Variants in ASH2L observed in about 807,000 individuals in gnomAD.
The protein encoded by ASH2L is set1/Ash2 histone methyltransferase complex subunit ASH2.
Under a neutral mutation model 81.1 loss-of-function variants are expected in ASH2L, and 30 were observed. The observed-to-expected ratio is 0.37, with a 90% CI of 0.28 to 0.50. ASH2L has a LOEUF of 0.50. Among genes scored for constraint, ASH2L ranks in the 20% least tolerant of loss-of-function variants. The pLI, the probability that ASH2L is intolerant of heterozygous loss-of-function variation, is 0.95. For synonymous variants in ASH2L, 273 were observed against 279.9 expected, an observed-to-expected ratio of 0.98 and a Z score of 0.24; for missense variants, 559 against 792.1, an observed-to-expected ratio of 0.71 and a Z score of 3.53.
chr8:38,106,521 T>A (rs78601068), intron 2 of ASH2L, 77 bp downstream of exon 2: 1 of 1,279,954 alleles, frequency 7.8e-7, no homozygotes, highest in South Asian at 1.3e-5. Context: ...TTTTTTTTTT[T>A]TGTTGCGACG....
intron 12 of ASH2L, among the ~76,000 whole-genome samples, chr8:38,130,351 C>T (rs1802010317): frequency 6.7e-6 from 1 of 148,832 alleles, no homozygotes; most frequent in Non-Finnish European, 1.5e-5. Context: ...AGCAGTTCAC[C>T]TGCTTCAGCC....
chr8:38,121,333 TTATATATATATATATA>T (rs71216649), intron 10 of ASH2L, among the ~76,000 whole-genome samples, 184 bp downstream of exon 10: 19 of 59,668 alleles, frequency 3.2e-4, no homozygotes, highest in African/African-American at 7.5e-4. Flanking sequence ...GCCGTTTTAT[TTATATATATATATATA>T]TATATATATA....
chr8:38,139,998 C>G lies in ASH2L; in HGVS notation c.*927C>G, dbSNP rs1802407881. On this transcript the variant is annotated 3_prime_UTR_variant, in exon 16 of 16. Coordinates refer to ENST00000343823, the MANE Select transcript of ASH2L (RefSeq NM_004674.5). ...GTGGTTTCCTGTCTTGCTTATCTTC[C>G]TTTGCCCTGAGCTGATGGCTAAAGG... 6.6e-6 allele frequency: 1 copy of G among 152,182 alleles called. No individual in the cohort carries two copies. The highest frequency in any genetic ancestry group is 6.6e-5 in the Admixed American group (1 of 15,264). 9.4% of individuals were successfully genotyped at this position (152,182 alleles called of 1,614,324 possible).
Position 38,119,367 on chromosome 8 carries a change from G to T in ASH2L, c.947+4G>T. 1 of 1,531,792 alleles carries T rather than the reference G, an allele frequency of 6.5e-7. No homozygotes were observed. The highest frequency in any genetic ancestry group is 8.8e-7 in the Non-Finnish European group (1 of 1,140,458). The allele number at this position is 1,531,792 out of a possible 1,614,324, so 94.9% of individuals were successfully genotyped here. A position where few individuals can be genotyped will look rare whatever the true frequency, so the allele number is the denominator to read the frequency against. On this transcript the variant is annotated splice_donor_region_variant and intron_variant, in intron 9 of 15. Transcript: ENST00000343823. The stretch of plus-strand genomic sequence containing the variant: ...GGACCACCAAGAAGGCCCGGAGGTG[G>T]GGAGAGTGCCCACCCTGCCCCCCTC...
Position 38,126,840 on chromosome 8 carries a change from C to T in ASH2L, c.1166-1451C>T, listed in dbSNP as rs528227685. On this transcript the variant is annotated intron_variant, in intron 10 of 15. Transcript: ENST00000343823. ...CTGCACTCCAGCCTGGGCAAAAGAG[C>T]GAGACTCTGTCTCAAAAAAGAAAGA... 4.4e-4 allele frequency among the ~76,000 whole-genome samples: 57 copies of T among 129,766 alleles called. 2 individuals are homozygous for T. Among genetic ancestry groups the T allele is most frequent in the African/African-American group, 1.6e-3 (52 of 32,790 alleles). The allele number at this position is 129,766 out of a possible 152,430, so 85.1% of individuals were successfully genotyped here. A position where few individuals can be genotyped will look rare whatever the true frequency, so the allele number is the denominator to read the frequency against.
At chr8:38,115,071 A>G in intron 7 of ASH2L, 71 bp downstream of exon 7, 1 of 1,012,412 alleles carries the variant, frequency 9.9e-7, no homozygotes, top group South Asian at 1.3e-5. Context: ...GGTTCTGTTT[A>G]CATTTGTATA....
intron 5 of ASH2L, 46 bp from the exon 6 acceptor site, chr8:38,114,146 A>G (rs367943660): frequency 8.7e-7 from 1 of 1,142,928 alleles, no homozygotes; most frequent in Non-Finnish European, 1.3e-6. Context: ...TTGTCAGCAT[A>G]TCTTTGATTG....
chr8:38,138,637 T>C, intron 14 of ASH2L, 179 bp from the exon 15 acceptor site: 1 of 561,002 alleles, frequency 1.8e-6, no homozygotes, highest in South Asian at 2.5e-5. Context: ...GTTACCTAAT[T>C]CTTGATGGAC....
At chr8:38,107,824 G>C (rs79517596) in intron 3 of ASH2L, among the ~76,000 whole-genome samples, 2,342 of 151,734 alleles carry the variant, frequency 0.015, 57 homozygotes, top group African/African-American at 0.054. Context: ...CTGCATTATC[G>C]TGAAATTAAT....
chr8:38,114,144 A>G lies in ASH2L; in HGVS notation c.586-48A>G, dbSNP rs374381757. The G allele has an allele frequency of 2.2e-5, 25 of 1,115,050 alleles. No individual in the cohort carries two copies. In the African/African-American group the frequency reaches 2.3e-4, roughly 10 times the overall value. The allele number at this position is 1,115,050 out of a possible 1,614,324, so 69.1% of individuals were successfully genotyped here. ...AATGCTGTTTTCTTTCTTTGTCAGC[A>G]TATCTTTGATTGCAGCAGTAATAGT... On this transcript the variant is annotated intron_variant, in intron 5 of 15. Coordinates refer to ENST00000343823, the MANE Select transcript of ASH2L (RefSeq NM_004674.5).
intron 12 of ASH2L, among the ~76,000 whole-genome samples, chr8:38,131,675 A>G (rs752200289): frequency 1.3e-5 from 2 of 152,202 alleles, no homozygotes; most frequent in Admixed American, 6.5e-5. Flanking sequence ...AATAATTTTT[A>G]GTGACATGTC....
intron 12 of ASH2L, among the ~76,000 whole-genome samples, chr8:38,130,227 C>CTTTTTTTTTT (rs71216650): frequency 7.0e-5 from 6 of 86,236 alleles, no homozygotes; most frequent in African/African-American, 1.9e-4. Flanking sequence ...CTTCTCTGTT[C>CTTTTTTTTTT]TTTTTTTTTT....
At chr8:38,107,256 A>G (rs1810476875) in intron 3 of ASH2L, 90 bp downstream of exon 3, 2 of 1,531,682 alleles carry the variant, frequency 1.3e-6, no homozygotes, top group Non-Finnish European at 9.0e-7. Context: ...AATAAATGCA[A>G]AGTATTTCCT....
At chr8:38,112,245 T>G (rs144980697) in intron 5 of ASH2L, among the ~76,000 whole-genome samples, 1 of 152,214 alleles carries the variant, frequency 6.6e-6, no homozygotes, top group Non-Finnish European at 1.5e-5. Context: ...GTGATCCTCC[T>G]GCTTTGGCCT....
rs887269805 is a variant in ASH2L, at chr8:38,138,045, A to G, written c.1720-771A>G. ...GTAATCCCAACACTTTGGGAGGCCA[A>G]TATAAGAGAATCAGTTGAGCCCAGG... On this transcript the variant is annotated intron_variant, in intron 14 of 15. Coordinates refer to ENST00000343823, the MANE Select transcript of ASH2L (RefSeq NM_004674.5). 6.6e-5 allele frequency: 10 copies of G among 152,306 alleles called. No homozygotes were observed. In the South Asian group the frequency reaches 1.9e-3, roughly 28 times the overall value. 9.4% of individuals were successfully genotyped at this position (152,306 alleles called of 1,614,324 possible).
intron 3 of ASH2L, among the ~76,000 whole-genome samples, chr8:38,109,413 G>C (rs961082884): frequency 2.0e-5 from 3 of 152,316 alleles, no homozygotes; most frequent in Non-Finnish European, 4.4e-5. Flanking sequence ...GCTAGTTTCA[G>C]AGTCCAAGAT....
At chr8:38,118,447 T>C (rs919948015) in intron 8 of ASH2L, among the ~76,000 whole-genome samples, 5 of 152,246 alleles carry the variant, frequency 3.3e-5, no homozygotes, top group Admixed American at 2.6e-4. Context: ...AAGGTAATCT[T>C]CCTTGTGGCT....
rs532694118 is a variant in ASH2L, at chr8:38,139,887, C to G, written c.*816C>G. On this transcript the variant is annotated 3_prime_UTR_variant, in exon 16 of 16. Transcript: ENST00000343823. ...CCCCCTTTCCTGTGAAAATCTGCCA[C>G]CTTGAGGAGAGGAACAAGAGTTTAA... 2 of 152,128 alleles carry G rather than the reference C, an allele frequency of 1.3e-5. No individual in the cohort carries two copies. The highest frequency in any genetic ancestry group is 2.9e-5 in the Non-Finnish European group (2 of 68,048). The allele number at this position is 152,128 out of a possible 1,614,324, so 9.4% of individuals were successfully genotyped here.
intron 1 of ASH2L, 44 bp downstream of exon 1, chr8:38,105,782 G>T: frequency 6.7e-7 from 1 of 1,495,822 alleles, no homozygotes; most frequent in Non-Finnish European, 8.9e-7. Context: ...AGGGAGGCCC[G>T]CCCCTCGCGA....
Sources: allele counts gnomAD v4.1 joint callset (sites outside exome capture counted in the v4.1 genomes callset), GRCh38; gene constraint gnomAD v4.1.1; transcripts MANE v1.5; gene names NCBI Gene and HGNC (gene_info 2026-07-23, HGNC 2026-07-21).